NEDD8: variants seen among roughly 807,000 people sequenced by gnomAD.
The protein encoded by NEDD8 is ubiquitin-like protein NEDD8.
Under a neutral mutation model 13.8 loss-of-function variants are expected in NEDD8, and 1 was observed. That is an observed-to-expected ratio of 0.07 (90% CI 0.03 to 0.34). The LOEUF (loss-of-function observed/expected upper bound fraction) is 0.34, where lower values mean the gene tolerates loss of function less well. Ranked by LOEUF, NEDD8 falls within the 10% of genes least tolerant of loss-of-function variation. NEDD8 has a pLI of 0.99. For missense variants in NEDD8, 10 were observed against 95.2 expected, an observed-to-expected ratio of 0.10 and a Z score of 3.73; for synonymous variants, 31 against 33.2, an observed-to-expected ratio of 0.93 and a Z score of 0.23.
rs950492506 is a variant in NEDD8, at chr14:24,232,320, G to A, written c.-53C>T. The A allele has an allele frequency of 1.0e-5, 16 of 1,607,996 alleles. No individual in the cohort carries two copies. Among genetic ancestry groups the A allele is most frequent in the Admixed American group, 1.7e-5 (1 of 59,478 alleles). On this transcript the variant is annotated 5_prime_UTR_variant, in exon 1 of 4. Coordinates refer to ENST00000250495, the MANE Select transcript of NEDD8 (RefSeq NM_006156.3). Reference sequence around the variant, plus strand: ...GATAAATTGCTGCTCCTACCGCTCCGGTCGCCGCTGCCGCCCTCCAGCACT... The same window carrying A: ...GATAAATTGCTGCTCCTACCGCTCCAGTCGCCGCTGCCGCCCTCCAGCACT...
At chr14:24,217,389 A>C (rs2039724738) in intron 3 of NEDD8, among the ~76,000 whole-genome samples, 166 bp from the exon 4 acceptor site, 1 of 152,134 alleles carries the variant, frequency 6.6e-6, no homozygotes. Flanking sequence ...TCCTGGGTTC[A>C]AGCAATTCTC....
At position 24,221,033 on chromosome 14, in the gene NEDD8, C is replaced by A. The variant is rs1465349520; in HGVS notation, c.19-2602G>T. Among the ~76,000 whole-genome samples, 4 of 152,260 alleles carry A rather than the reference C, an allele frequency of 2.6e-5. No homozygotes were observed. In the East Asian group the frequency reaches 5.8e-4, roughly 22 times the overall value. ...ACAAGAACAATTCCTTTGGATTAAC[C>A]TGTTTGGATATGAAAGAATAAATTA... is the stretch of plus-strand genomic sequence containing the variant. On this transcript the variant is annotated intron_variant, in intron 1 of 3. Transcript: ENST00000250495.
chr14:24,221,020 C>G (rs2039799517), intron 1 of NEDD8, among the ~76,000 whole-genome samples: 1 of 152,140 alleles, frequency 6.6e-6, no homozygotes, highest in Non-Finnish European at 1.5e-5. Flanking sequence ...AAGAACAATT[C>G]CTTTGGATTA....
intron 1 of NEDD8, among the ~76,000 whole-genome samples, chr14:24,230,133 T>G (rs972563010): frequency 6.9e-6 from 1 of 145,548 alleles, no homozygotes; most frequent in Non-Finnish European, 1.5e-5. Context: ...TAAAAATTAG[T>G]ATGAACTAGT....
At chr14:24,222,646 T>C (rs1477234663) in intron 1 of NEDD8, among the ~76,000 whole-genome samples, 4 of 152,362 alleles carry the variant, frequency 2.6e-5, no homozygotes, top group East Asian at 3.9e-4. Flanking sequence ...AGTAGCCATA[T>C]TGTAAAAGTT....
In NEDD8 at chr14:24,219,607, CGTA is replaced by C. The variant is rs1459058509; in HGVS notation, c.19-1179_19-1177del. Among the ~76,000 whole-genome samples the C allele has an allele frequency of 3.9e-5, 6 of 152,074 alleles. No individual in the cohort carries two copies. In the East Asian group the frequency reaches 5.8e-4, roughly 15 times the overall value. The stretch of plus-strand genomic sequence containing the variant: ...CTAAATTGCAGCTCTTGTCTTCTTC[CGTA>C]AGTTAAGGGCTGGTGATATCCAAAT... On this transcript the variant is annotated intron_variant, in intron 1 of 3. Transcript: ENST00000250495.
At chr14:24,219,908 G>A (rs2039775399) in intron 1 of NEDD8, among the ~76,000 whole-genome samples, 1 of 152,212 alleles carries the variant, frequency 6.6e-6, no homozygotes, top group Non-Finnish European at 1.5e-5. Context: ...GGGAAGCTGA[G>A]GTGGGTGGAT....
In NEDD8 at chr14:24,218,044, G is replaced by A. The variant is rs956110425; in HGVS notation, c.149+89C>T. The stretch of plus-strand genomic sequence containing the variant: ...GAGTCTTAGGCACCAAAAACAAGAG[G>A]CACCCCTGATCCACCTCAGTACGTG... On this transcript the variant is annotated intron_variant, in intron 3 of 3. Coordinates refer to ENST00000250495, the MANE Select transcript of NEDD8 (RefSeq NM_006156.3). 5 of 1,545,750 alleles carry A rather than the reference G, an allele frequency of 3.2e-6. No homozygotes were observed. In the African/African-American group the frequency reaches 5.4e-5, roughly 17 times the overall value.
chr14:24,229,366 T>G (rs542607549), intron 1 of NEDD8, among the ~76,000 whole-genome samples: 1 of 152,188 alleles, frequency 6.6e-6, no homozygotes, highest in South Asian at 2.1e-4. Context: ...ACTACAGGTG[T>G]GTGCCACCAC....
At chr14:24,232,190 G>T in intron 1 of NEDD8, 60 bp downstream of exon 1, 1 of 1,612,300 alleles carries the variant, frequency 6.2e-7, no homozygotes, top group South Asian at 1.1e-5. Context: ...CACGTCTCCC[G>T]TAAGGCACTG....
chr14:24,228,750 T>C (rs1594494243), intron 1 of NEDD8: 1 of 147,924 alleles, frequency 6.8e-6, no homozygotes, highest in African/African-American at 2.5e-5. Context: ...AAAGGAACTG[T>C]AATAAAAAAT....
In NEDD8 at chr14:24,226,345, TTAGC is replaced by T. The variant is rs569479708; in HGVS notation, c.18+5901_18+5904del. ...TGTCTCTACCAAAAATACAAAAAAA[TTAGC>T]TAGGCATGGTGGACGCTTGAACGAA... On this transcript the variant is annotated intron_variant, in intron 1 of 3. Coordinates refer to ENST00000250495, the MANE Select transcript of NEDD8 (RefSeq NM_006156.3). Among the ~76,000 whole-genome samples the T allele has an allele frequency of 1.6e-3, 232 of 149,138 alleles. 1 individual carries two copies. The highest frequency in any genetic ancestry group is 5.0e-3 in the Admixed American group (75 of 14,858).
intron 1 of NEDD8, chr14:24,218,800 G>A (rs2039751871): frequency 7.2e-6 from 2 of 276,066 alleles, no homozygotes; most frequent in Non-Finnish European, 1.4e-5. Context: ...AGGCTGGAGT[G>A]CAATGGCACA....
chr14:24,224,018 C>T (rs34655126), intron 1 of NEDD8, among the ~76,000 whole-genome samples: 1,937 of 152,252 alleles, frequency 0.013, 42 homozygotes, highest in East Asian at 0.088. Flanking sequence ...AGCTCCACCT[C>T]CCGGGTTCAC....
In NEDD8 at chr14:24,220,263, G is replaced by C. The variant is rs1002065830; in HGVS notation, c.19-1832C>G. On this transcript the variant is annotated intron_variant, in intron 1 of 3. Transcript: ENST00000250495. Reference sequence around the variant, plus strand: ...AGCAGTCAATGAATATTTTTGAAGGGCTAAATATACTGATGATCATATTAT... The same window carrying C: ...AGCAGTCAATGAATATTTTTGAAGGCCTAAATATACTGATGATCATATTAT... Among the ~76,000 whole-genome samples the C allele has an allele frequency of 2.6e-5, 4 of 152,140 alleles. No individual in the cohort carries two copies. The South Asian group carries it at 8.3e-4, about 31-fold the overall frequency.
chr14:24,220,857 C>G (rs952399405), intron 1 of NEDD8, among the ~76,000 whole-genome samples: 2 of 152,156 alleles, frequency 1.3e-5, no homozygotes, highest in African/African-American at 4.8e-5. Context: ...TCTGGCTGGT[C>G]TAGTATTGGG....
intron 1 of NEDD8, among the ~76,000 whole-genome samples, chr14:24,229,210 TCAAA>T (rs564782809): frequency 5.3e-4 from 81 of 152,306 alleles, no homozygotes; most frequent in African/African-American, 1.9e-3. Context: ...ATTTTTTTGT[TCAAA>T]CAGTTATTTT....
In NEDD8 at chr14:24,217,194, T is replaced by C; in HGVS notation, c.179A>G (p.Lys60Arg). 6.2e-7 allele frequency: 1 copy of C among 1,613,548 alleles called. No individual in the cohort carries two copies. The highest frequency in any genetic ancestry group is 8.5e-7 in the Non-Finnish European group (1 of 1,179,806). The part of the protein sequence containing the change: ...MNDEKTAADY[K>R]ILGGSVLHLV... ...GTGAAGGACTGAACCACCTAAAATC[T>C]TGTAATCAGCTGCTGTCTTCTCATC... Residue 60 changes from lysine to arginine, a missense_variant, in exon 4 of 4, where the codon AAG (lysine) becomes AGG (arginine). Lys to Arg is a conservative substitution (Grantham distance 26). Coordinates refer to ENST00000250495, the MANE Select transcript of NEDD8 (RefSeq NM_006156.3).
chr14:24,219,475 C>CAAAAAAAAAAAAAAAAAA (rs59964484), intron 1 of NEDD8, among the ~76,000 whole-genome samples: 5 of 33,362 alleles, frequency 1.5e-4, no homozygotes, highest in Admixed American at 4.1e-4. Flanking sequence ...AACACCCTCG[C>CAAAAAAAAAAAAAAAAAA]AAAAAAAAAA....
Sources: allele counts gnomAD v4.1 joint callset (sites outside exome capture counted in the v4.1 genomes callset), GRCh38; gene constraint gnomAD v4.1.1; transcripts MANE v1.5; gene names NCBI Gene and HGNC (gene_info 2026-07-23, HGNC 2026-07-21).